The following TCIRG1 variants were observed in gnomAD, a reference collection of about 807,000 sequenced individuals.
TCIRG1 encodes V-type proton ATPase 116 kDa subunit a 3.
Under a neutral mutation model 95.5 loss-of-function variants are expected in TCIRG1, and 86 were observed. That is an observed-to-expected ratio of 0.90 (90% CI 0.76 to 1.08). The LOEUF is 1.08. Ranked by LOEUF, TCIRG1 falls within the 50% of genes least tolerant of loss-of-function variation. TCIRG1 has a pLI of 0.00. For synonymous variants in TCIRG1, 499 were observed against 501.3 expected (o/e 1.00, Z 0.06); for missense variants, 1,069 against 1,140.2 (o/e 0.94, Z 0.90).
chr11:68,045,491 T>A (rs1855433917), intron 10 of TCIRG1, among the ~76,000 whole-genome samples: 1 of 151,770 alleles, frequency 6.6e-6, no homozygotes, highest in Admixed American at 6.6e-5. Flanking sequence ...GGAAGCTTAG[T>A]GACTGTTGGA....
chr11:68,044,705 G>A, intron 9 of TCIRG1: 1 of 602,718 alleles, frequency 1.7e-6, no homozygotes, highest in Non-Finnish European at 2.9e-6. Context: ...TGCGGGTGAG[G>A]CTGGGCTCCT....
chr11:68,050,438 T>A (rs756326556), intron 18 of TCIRG1, 49 bp from the exon 19 acceptor site: 44 of 1,611,174 alleles, frequency 2.7e-5, no homozygotes, highest in Non-Finnish European at 3.6e-5. Flanking sequence ...GGTAGGGGGC[T>A]GGCAGGCACC....
chr11:68,047,728 G>T lies in TCIRG1; in HGVS notation c.1387G>T (p.Glu463Ter), dbSNP rs774578979. 3 of 1,613,266 alleles carry T rather than the reference G, an allele frequency of 1.9e-6. No homozygotes were observed. The highest frequency in any genetic ancestry group is 2.5e-6 in the Non-Finnish European group (3 of 1,180,002). ...CATCTACACCGGCTTCATCTACAAC[G>T]AGTGCTTCAGTCGCGCCACCAGCAT... Reference protein sequence around the residue: ...FSIYTGFIYNECFSRATSIFP... With the variant: ...FSIYTGFIYN The change falls in exon 12 of 20, where the codon GAG becomes TAG. Residue 463 changes from glutamate (E) to a stop codon, truncating the protein, a stop_gained. Transcript: ENST00000265686. LOFTEE classifies it high-confidence loss of function.
rs1590816330 is a variant in TCIRG1 at position 68,049,261 on chromosome 11, C to T, written c.1854C>T (p.His618=). The change falls in exon 15 of 20, where the codon CAC becomes CAT. Residue 618 remains histidine, a synonymous_variant. Coordinates refer to ENST00000265686, the MANE Select transcript of TCIRG1 (RefSeq NM_006019.4). ...IHFINMFLFS[H]SPSNRLLYPR... ...TCATCAACATGTTCCTCTTCTCCCA[C>T]AGCCCCAGCAACAGGCTGCTCTACC... is the stretch of plus-strand genomic sequence containing the variant. 5.0e-6 allele frequency: 8 copies of T among 1,612,766 alleles called. No homozygotes were observed. Among genetic ancestry groups the T allele is most frequent in the Non-Finnish European group, 6.8e-6 (8 of 1,179,542 alleles).
chr11:68,044,904 G>A, intron 9 of TCIRG1, 54 bp from the exon 10 acceptor site: 1 of 1,600,494 alleles, frequency 6.2e-7, no homozygotes, highest in Non-Finnish European at 8.5e-7. Flanking sequence ...GGAGATCCCA[G>A]GGTCCCTGAA....
Position 68,042,952 on chromosome 11 carries a change from G to A in TCIRG1, c.424G>A (p.Ala142Thr). 3 of 1,553,946 alleles carry A rather than the reference G, an allele frequency of 1.9e-6. No individual in the cohort carries two copies. The highest frequency in any genetic ancestry group is 2.6e-6 in the Non-Finnish European group (3 of 1,148,808). Residue 142 changes from alanine to threonine, a missense_variant, in exon 5 of 20, where the codon GCC (alanine) becomes ACC (threonine). Coordinates refer to ENST00000265686, the MANE Select transcript of TCIRG1 (RefSeq NM_006019.4). ...GGTGCTTCTGGGTTCCTAGCTGGCA[G>A]CCGCCCACACAGATGGGGCCTCAGA... ...LRQGHEPQLAAAHTDGASERT... is the reference protein window; with the variant it reads ...LRQGHEPQLATAHTDGASERT...
chr11:68,043,047 C>T lies in TCIRG1; in HGVS notation c.503+16C>T. Reference sequence around the variant, plus strand: ...TGAGGGTCAAGTGAGTGAGGGATGACCTCATGCCCTTTCTGGCCAGCCCAG... The same window carrying T: ...TGAGGGTCAAGTGAGTGAGGGATGATCTCATGCCCTTTCTGGCCAGCCCAG... On this transcript the variant is annotated intron_variant, in intron 5 of 19. Transcript: ENST00000265686. 6.5e-7 allele frequency: 1 copy of T among 1,549,580 alleles called. No individual in the cohort carries two copies. The highest frequency in any genetic ancestry group is 8.7e-7 in the Non-Finnish European group (1 of 1,146,878).
chr11:68,042,621 A>G, intron 3 of TCIRG1, 22 bp from the exon 4 acceptor site: 1 of 1,541,658 alleles, frequency 6.5e-7, no homozygotes, highest in Non-Finnish European at 8.8e-7. Context: ...ACTGCACCCC[A>G]CTCCCGTTCC....
intron 2 of TCIRG1, 65 bp from the exon 3 acceptor site, chr11:68,041,688 C>A: frequency 1.4e-6 from 2 of 1,381,394 alleles, no homozygotes; most frequent in Non-Finnish European, 2.0e-6. Context: ...CAGGCCTGGG[C>A]TCTAGGGTGA....
At chr11:68,051,744 C>T (rs1485016358), downstream of TCIRG1, among the ~76,000 whole-genome samples, 1 of 152,170 alleles carries the variant, frequency 6.6e-6, no homozygotes, top group Non-Finnish European at 1.5e-5. Context: ...GGGGTAGGAG[C>T]AGAGAAGGCT....
chr11:68,046,419 C>T (rs529734322), intron 10 of TCIRG1, among the ~76,000 whole-genome samples: 23 of 152,288 alleles, frequency 1.5e-4, no homozygotes, highest in African/African-American at 5.3e-4. Context: ...GATCTGTTCC[C>T]GGCCTCTCTC....
intron 10 of TCIRG1, chr11:68,046,899 A>G (rs879037499): frequency 2.2e-6 from 1 of 456,162 alleles, no homozygotes; most frequent in Non-Finnish European, 4.4e-6. Flanking sequence ...GCCCGTGGAG[A>G]ACTTATGAAG....
At chr11:68,042,916 C>T in intron 4 of TCIRG1, 30 bp from the exon 5 acceptor site, 2 of 1,550,716 alleles carry the variant, frequency 1.3e-6, no homozygotes, top group Non-Finnish European at 1.7e-6. Flanking sequence ...GCTGTCCAGC[C>T]TAGGGCTCAT....
chr11:68,051,069 C>A (rs369737370), downstream of TCIRG1: 1 of 573,060 alleles, frequency 1.7e-6, no homozygotes. Flanking sequence ...ATGTTTCCAG[C>A]ACATTCTAAC....
At chr11:68,050,701 G>A (rs777758192) in intron 19 of TCIRG1, 37 bp downstream of exon 19, 11 of 1,613,702 alleles carry the variant, frequency 6.8e-6, no homozygotes, top group South Asian at 4.4e-5. Flanking sequence ...TGCTCAAGGC[G>A]TGAGTTCCCC....
intron 1 of TCIRG1, among the ~76,000 whole-genome samples, chr11:68,040,409 G>A (rs1855099908): frequency 6.6e-6 from 1 of 152,244 alleles, no homozygotes; most frequent in Non-Finnish European, 1.5e-5. Context: ...TCCTTTCCCA[G>A]GCTGGGGCTG....
Position 68,041,346 on chromosome 11 carries a change from C to T in TCIRG1, c.75C>T (p.Cys25=), listed in dbSNP as rs774416952. 4.1e-5 allele frequency: 66 copies of T among 1,613,170 alleles called. No homozygotes were observed. The highest frequency in any genetic ancestry group is 1.7e-4 in the Middle Eastern group (1 of 6,060). The change falls in exon 2 of 20, where the codon TGC becomes TGT. Residue 25 remains cysteine (C), a synonymous_variant. Coordinates refer to ENST00000265686, the MANE Select transcript of TCIRG1 (RefSeq NM_006019.4). Reference sequence around the variant, plus strand: ...TGCCCACAGCGGCTGCCTACACCTGCGTGAGTCGGCTGGGCGAGCTGGGCC... The same window carrying T: ...TGCCCACAGCGGCTGCCTACACCTGTGTGAGTCGGCTGGGCGAGCTGGGCC... The part of the protein sequence containing the change: ...LFLPTAAAYT[C]VSRLGELGLV...
chr11:68,048,796 G>A (rs777477113), intron 13 of TCIRG1, 83 bp from the exon 14 acceptor site: 2 of 1,021,780 alleles, frequency 2.0e-6, no homozygotes, highest in African/African-American at 1.6e-5. Context: ...ACAGGGTGGT[G>A]AGAGAGTGAC....
Position 68,049,312 on chromosome 11 carries a change from G to A in TCIRG1, c.1887+18G>A. Reference sequence around the variant, plus strand: ...CCCGGCAGGTGGGCTGCGGCTGGTGGGGGCCGGGCTCACACGGCCTCATGG... The same window carrying A: ...CCCGGCAGGTGGGCTGCGGCTGGTGAGGGCCGGGCTCACACGGCCTCATGG... On this transcript the variant is annotated intron_variant, in intron 15 of 19. Coordinates refer to ENST00000265686, the MANE Select transcript of TCIRG1 (RefSeq NM_006019.4). 1 of 1,600,266 alleles carries A rather than the reference G, an allele frequency of 6.2e-7. No homozygotes were observed. Among genetic ancestry groups the A allele is most frequent in the East Asian group, 2.2e-5 (1 of 44,718 alleles).
Sources: gnomAD v4.1 joint callset for allele counts (sites outside exome capture counted in the v4.1 genomes callset) on GRCh38, gnomAD v4.1.1 for gene constraint, MANE v1.5 for transcripts, NCBI Gene and HGNC (gene_info 2026-07-23, HGNC 2026-07-21) for gene names.